ARID1B: variants seen among roughly 807,000 people sequenced by gnomAD.
ARID1B encodes AT-rich interaction domain 1B, also known as AT-rich interactive domain-containing protein 1B.
Under a neutral mutation model 212.3 loss-of-function variants are expected in ARID1B, and 30 were observed. The observed-to-expected ratio is 0.14, with a 90% CI of 0.11 to 0.19. The LOEUF (loss-of-function observed/expected upper bound fraction) is 0.19, where lower values mean the gene tolerates loss of function less well. Among genes scored for constraint, ARID1B ranks in the 10% least tolerant of loss-of-function variants. ARID1B has a pLI of 1.00. For missense variants in ARID1B, 2,891 were observed against 3,204.0 expected (o/e 0.90, Z 2.36); for synonymous variants, 1,402 against 1,301.7 (o/e 1.08, Z -1.66).
chr6:156,823,789 A>G (rs1462914832), intron 1 of ARID1B, among the ~76,000 whole-genome samples: 2 of 150,202 alleles, frequency 1.3e-5, no homozygotes, highest in East Asian at 3.9e-4. Context: ...TGTATCTAAT[A>G]AACTGTGTTC....
chr6:156,936,681 A>G (rs1792258933), intron 4 of ARID1B: 1 of 148,968 alleles, frequency 6.7e-6, no homozygotes. Context: ...AAAAAAAAAG[A>G]ATAAATCTAT....
At chr6:156,799,624 G>A (rs752612718) in intron 1 of ARID1B, among the ~76,000 whole-genome samples, 3 of 152,102 alleles carry the variant, frequency 2.0e-5, no homozygotes, top group Non-Finnish European at 4.4e-5. Flanking sequence ...TTACAGATGT[G>A]CACCACCATG....
rs564537917 is a variant in ARID1B at position 156,849,396 on chromosome 6, G to A, written c.1986+19975G>A. Among the ~76,000 whole-genome samples, 22 of 152,314 alleles carry A rather than the reference G, an allele frequency of 1.4e-4. 1 individual carries two copies. The highest frequency in any genetic ancestry group is 2.9e-4 in the Non-Finnish European group (20 of 68,038). ...AAACATTGGTAAGGAATTTGGTAAAGTGAGGGATAATGTTACAGAATTGTC... is the reference window on the plus strand; with the variant it reads ...AAACATTGGTAAGGAATTTGGTAAAATGAGGGATAATGTTACAGAATTGTC... On this transcript the variant is annotated intron_variant, in intron 2 of 19. Transcript: ENST00000636930.
rs35793467 is a variant in ARID1B at position 157,148,456 on chromosome 6, G to A, written c.2762-168G>A. Reference sequence around the variant, plus strand: ...CTCTCTGAGGGCCTGGGAGTGTGCAGAGAGAGCATGTTTGAGACTGGCAGC... The same window carrying A: ...CTCTCTGAGGGCCTGGGAGTGTGCAAAGAGAGCATGTTTGAGACTGGCAGC... On this transcript the variant is annotated intron_variant, in intron 7 of 19. Coordinates refer to ENST00000636930, the MANE Select transcript of ARID1B (RefSeq NM_001374828.1). This position sits in a 1 kb window ranked among gnomAD's most constrained non-coding sequence, Gnocchi z 5.6. 0.028 allele frequency among the ~76,000 whole-genome samples: 4,248 copies of A among 152,298 alleles called. 78 individuals carry two copies. Among genetic ancestry groups the A allele is most frequent in the Non-Finnish European group, 0.043 (2,928 of 68,034 alleles).
chr6:157,007,543 CAT>C (rs1160631032), intron 4 of ARID1B, among the ~76,000 whole-genome samples: 2 of 152,054 alleles, frequency 1.3e-5, no homozygotes, highest in Non-Finnish European at 2.9e-5. Flanking sequence ...CACGTGCACA[CAT>C]AGACACAGCG....
At chr6:156,889,750 A>G (rs1306957476) in intron 2 of ARID1B, among the ~76,000 whole-genome samples, 1 of 152,216 alleles carries the variant, frequency 6.6e-6, no homozygotes, top group Non-Finnish European at 1.5e-5. Context: ...CAGTTTAGAT[A>G]GGCAAAGGAA....
At chr6:157,196,040 CAG>C in intron 15 of ARID1B, 123 bp from the exon 16 acceptor site, 1 of 1,231,494 alleles carries the variant, frequency 8.1e-7, no homozygotes, top group Non-Finnish European at 1.1e-6. Flanking sequence ...GCCTGGGCGA[CAG>C]AGTGAGACTC....
chr6:156,953,931 AAT>A (rs1793771334), intron 4 of ARID1B, among the ~76,000 whole-genome samples: 1 of 152,208 alleles, frequency 6.6e-6, no homozygotes, highest in Non-Finnish European at 1.5e-5. Flanking sequence ...TTACTAGATT[AAT>A]AGTCATGGTT....
intron 4 of ARID1B, among the ~76,000 whole-genome samples, chr6:156,994,226 T>C (rs992942091): frequency 1.3e-5 from 2 of 152,246 alleles, no homozygotes; most frequent in Non-Finnish European, 2.9e-5. Context: ...TTACAGTCCC[T>C]GTAGATCCTT....
chr6:157,138,134 G>A (rs565909061), intron 7 of ARID1B, among the ~76,000 whole-genome samples: 1 of 152,164 alleles, frequency 6.6e-6, no homozygotes, highest in East Asian at 1.9e-4. Context: ...TGGGTACCTT[G>A]TAGGCCCTGC....
At chr6:156,852,063 A>G (rs571535344) in intron 2 of ARID1B, among the ~76,000 whole-genome samples, 1 of 152,254 alleles carries the variant, frequency 6.6e-6, no homozygotes, top group Non-Finnish European at 1.5e-5. Flanking sequence ...GCAAGAGCAT[A>G]TAGGGACTTC....
intron 7 of ARID1B, among the ~76,000 whole-genome samples, chr6:157,139,114 A>G (rs1789153544): frequency 6.6e-6 from 1 of 152,238 alleles, no homozygotes; most frequent in South Asian, 2.1e-4. Context: ...ACTTAAAATG[A>G]AAAAAGAAAA....
At chr6:156,901,739 A>G in intron 3 of ARID1B, 8 of 634,222 alleles carry the variant, frequency 1.3e-5, no homozygotes. Context: ...CTGGTTTAAT[A>G]GCTGCTTGCA....
At position 157,180,623 on chromosome 6, in the gene ARID1B, C is replaced by G. The variant is rs978838267; in HGVS notation, c.3505-346C>G. 3.3e-5 allele frequency among the ~76,000 whole-genome samples: 5 copies of G among 152,256 alleles called. No individual in the cohort carries two copies. In the East Asian group the frequency reaches 9.7e-4, roughly 29 times the overall value. On this transcript the variant is annotated intron_variant, in intron 11 of 19. Coordinates refer to ENST00000636930, the MANE Select transcript of ARID1B (RefSeq NM_001374828.1). ...TAATTCACTATGATCATTCCATGAG[C>G]TAGAACCCTTTTATTTTTAAAAATA...
intron 15 of ARID1B, among the ~76,000 whole-genome samples, chr6:157,192,980 G>A (rs1398117637): frequency 1.3e-5 from 2 of 152,170 alleles, no homozygotes; most frequent in Non-Finnish European, 2.9e-5. Flanking sequence ...AGTACAAGTA[G>A]CATGGTCAGA....
At chr6:156,977,558 A>G (rs933631544) in intron 4 of ARID1B, among the ~76,000 whole-genome samples, 4 of 152,066 alleles carry the variant, frequency 2.6e-5, no homozygotes, top group Non-Finnish European at 4.4e-5. Flanking sequence ...CATTTTTTCT[A>G]TATTTTTTGA....
rs371026598 is a variant in ARID1B, at chr6:157,040,030, A to G, written c.2248-44632A>G. Among the ~76,000 whole-genome samples the G allele has an allele frequency of 2.3e-3, 342 of 150,840 alleles. 1 individual carries two copies. Among genetic ancestry groups the G allele is most frequent in the African/African-American group, 7.7e-3 (317 of 41,006 alleles). On this transcript the variant is annotated intron_variant, in intron 4 of 19. Coordinates refer to ENST00000636930, the MANE Select transcript of ARID1B (RefSeq NM_001374828.1). Reference sequence around the variant, plus strand: ...AGTGGTGCGATTTCAGCTCACTGCAACCTCTGCCTTCCAGGTTCAAGCAAT... The same window carrying G: ...AGTGGTGCGATTTCAGCTCACTGCAGCCTCTGCCTTCCAGGTTCAAGCAAT...
At chr6:157,104,795 TCTC>T (rs1225340432) in intron 5 of ARID1B, among the ~76,000 whole-genome samples, 1 of 152,180 alleles carries the variant, frequency 6.6e-6, no homozygotes, top group Non-Finnish European at 1.5e-5. Flanking sequence ...AGTCATGAGT[TCTC>T]CTTGACTGAT....
chr6:156,860,711 A>G (rs1381344847), intron 2 of ARID1B, among the ~76,000 whole-genome samples: 1 of 152,226 alleles, frequency 6.6e-6, no homozygotes. Flanking sequence ...TGGAATCTTT[A>G]GTATACCCAC....
Sources: gnomAD v4.1 joint callset for allele counts (sites outside exome capture counted in the v4.1 genomes callset) on GRCh38, gnomAD v4.1.1 for gene constraint, Gnocchi (gnomAD v3.1) non-coding constraint, MANE v1.5 for transcripts, NCBI Gene and HGNC (gene_info 2026-07-23, HGNC 2026-07-21) for gene names.